SLC9A6: variants seen among roughly 807,000 people sequenced by gnomAD.
SLC9A6 encodes the protein solute carrier family 9 member A6.
A neutral mutation model predicts 45.3 loss-of-function variants in SLC9A6; 6 were observed. The ratio of observed to expected loss-of-function variants is 0.13; its 90% CI spans 0.07 to 0.26. SLC9A6 has a LOEUF of 0.26. Among genes scored for constraint, SLC9A6 ranks in the 10% least tolerant of loss-of-function variants. The pLI is 1.00. For synonymous variants in SLC9A6, 191 were observed against 187.7 expected (o/e 1.02, Z -0.14); for missense variants, 278 against 503.7 (o/e 0.55, Z 4.29).
At chrX:136,043,026 A>C (rs2071540941) in intron 17 of SLC9A6, among the ~76,000 whole-genome samples, 1 of 112,141 alleles carries the variant, frequency 8.9e-6, no homozygotes, top group Non-Finnish European at 1.9e-5. Context: ...AGGCATGTGC[A>C]TTTTAAAATT....
In SLC9A6 at chrX:135,994,895, T is replaced by C. The variant is rs2089478159; in HGVS notation, c.279T>C (p.Asn93=). The C allele has an allele frequency of 8.3e-7, 1 of 1,206,057 alleles. No homozygotes were observed. The highest frequency in any genetic ancestry group is 1.7e-5 in the African/African-American group (1 of 57,632). Reference sequence around the variant, plus strand: ...CAAGTCCAACTACCTTACTGGTAAATGTTAGTGGAAAATTTTATGAGTATA... The same window carrying C: ...CAAGTCCAACTACCTTACTGGTAAACGTTAGTGGAAAATTTTATGAGTATA... The part of the protein sequence containing the change: ...VQSSPTTLLV[N]VSGKFYEYML... The change falls in exon 3 of 18, where the codon AAT becomes AAC. Residue 93 remains asparagine (N), a synonymous_variant. Coordinates refer to ENST00000630721, the MANE Select transcript of SLC9A6 (RefSeq NM_001379110.1).
Position 136,030,661 on chromosome X carries a change from C to T in SLC9A6, c.1581+499C>T, listed in dbSNP as rs782263620. ...AGGGAAACGCACTTTCTTACCTTGC[C>T]CCTCAGCCTTGGCCACGTTTCCTTG... On this transcript the variant is annotated intron_variant, in intron 15 of 17. Coordinates refer to ENST00000630721, the MANE Select transcript of SLC9A6 (RefSeq NM_001379110.1). Among the ~76,000 whole-genome samples the T allele has an allele frequency of 9.7e-4, 108 of 111,667 alleles. 1 individual carries two copies. Among genetic ancestry groups the T allele is most frequent in the African/African-American group, 3.2e-3 (99 of 30,747 alleles).
intron 12 of SLC9A6, among the ~76,000 whole-genome samples, chrX:136,023,600 G>A (rs1044482092): frequency 1.1e-4 from 12 of 110,286 alleles, no homozygotes; most frequent in African/African-American, 3.6e-4. Context: ...AGACAAAGTC[G>A]TAGCGATGGG....
chrX:135,989,309 A>C (rs1295721598), intron 2 of SLC9A6, among the ~76,000 whole-genome samples: 1 of 112,249 alleles, frequency 8.9e-6, no homozygotes, highest in Non-Finnish European at 1.9e-5. Context: ...AAGAAGCTTA[A>C]AAGTGAGTCA....
chrX:135,984,661 T>G (rs2089305825), upstream of SLC9A6, among the ~76,000 whole-genome samples: 1 of 110,484 alleles, frequency 9.1e-6, no homozygotes, highest in African/African-American at 3.3e-5. Flanking sequence ...AGATGAGAGA[T>G]AGGGGTCAAG....
intron 1 of SLC9A6, among the ~76,000 whole-genome samples, chrX:135,975,556 G>T (rs2089256768): frequency 8.9e-6 from 1 of 112,294 alleles, no homozygotes; most frequent in Non-Finnish European, 1.9e-5. Context: ...AGCTCTGAGA[G>T]AACAGAGATT....
intron 17 of SLC9A6, among the ~76,000 whole-genome samples, chrX:136,042,964 A>G (rs1189540501): frequency 1.8e-5 from 2 of 111,508 alleles, no homozygotes; most frequent in Non-Finnish European, 3.8e-5. Context: ...AACTTACCTA[A>G]CTATGTAAAA....
chrX:135,998,600 A>T (rs369308348), intron 5 of SLC9A6, 42 bp downstream of exon 5: 2 of 926,965 alleles, frequency 2.2e-6, no homozygotes, highest in African/African-American at 4.0e-5. Flanking sequence ...CCTTCAAATT[A>T]TAATTTTAAA....
At chrX:135,993,062 T>C (rs1425834800) in intron 2 of SLC9A6, among the ~76,000 whole-genome samples, 1 of 112,158 alleles carries the variant, frequency 8.9e-6, no homozygotes, top group African/African-American at 3.2e-5. Flanking sequence ...GTTTTATTTG[T>C]AGTTGAGGTA....
chrX:135,977,868 T>A (rs1909252759), intron 1 of SLC9A6, among the ~76,000 whole-genome samples: 2 of 100,985 alleles, frequency 2.0e-5, no homozygotes, highest in South Asian at 8.7e-4. Context: ...TTAAGATTTG[T>A]TTACTTGCTG....
intron 15 of SLC9A6, among the ~76,000 whole-genome samples, chrX:136,032,037 C>T (rs1311130938): frequency 8.9e-6 from 1 of 112,338 alleles, no homozygotes; most frequent in Non-Finnish European, 1.9e-5. Flanking sequence ...AGAATCTAAA[C>T]TCTGTGCTTG....
At position 136,033,405 on chromosome X, in the gene SLC9A6, T is replaced by C. The variant is rs782039050; in HGVS notation, c.1582-9T>C. The C allele has an allele frequency of 3.6e-6, 4 of 1,115,927 alleles. No homozygotes were observed. Among genetic ancestry groups the C allele is most frequent in the Non-Finnish European group, 4.9e-6 (4 of 816,723 alleles). 92.0% of individuals were successfully genotyped at this position (1,115,927 alleles called of 1,213,427 possible). The stretch of plus-strand genomic sequence containing the variant: ...TATAGATATTGATTTCTGTATTATC[T>C]ATCTGCAGGGTGTTCCTGAAAATGA... On this transcript the variant is annotated splice_polypyrimidine_tract_variant and intron_variant, in intron 15 of 17. Coordinates refer to ENST00000630721, the MANE Select transcript of SLC9A6 (RefSeq NM_001379110.1).
intron 15 of SLC9A6, 129 bp downstream of exon 15, chrX:136,030,291 G>A: frequency 1.4e-6 from 1 of 694,313 alleles, no homozygotes; most frequent in Non-Finnish European, 2.3e-6. Flanking sequence ...TTGGAGGAAT[G>A]ATATCATTCC....
intron 13 of SLC9A6, among the ~76,000 whole-genome samples, chrX:136,026,666 G>C (rs1556620595): frequency 9.1e-6 from 1 of 110,323 alleles, no homozygotes; most frequent in Non-Finnish European, 1.9e-5. Flanking sequence ...CTCCCAAGTA[G>C]CTGGGATTAC....
In SLC9A6 at chrX:136,045,016, C is replaced by T. The variant is rs947644784; in HGVS notation, c.*292C>T. On this transcript the variant is annotated 3_prime_UTR_variant, in exon 18 of 18. Coordinates refer to ENST00000630721, the MANE Select transcript of SLC9A6 (RefSeq NM_001379110.1). ...GTCTCAGTTAAAGTGTAAAAAGTGA[C>T]GGATTTTCTCTTTCTTAAACTTACC... 3.0e-5 allele frequency: 8 copies of T among 263,938 alleles called. No individual in the cohort carries two copies. The highest frequency in any genetic ancestry group is 5.8e-5 in the Admixed American group (1 of 17,226). 21.8% of individuals were successfully genotyped at this position (263,938 alleles called of 1,213,427 possible). A position where few individuals can be genotyped will look rare whatever the true frequency, so the allele number is the denominator to read the frequency against.
chrX:136,011,302 C>T (rs1337097036), intron 8 of SLC9A6, among the ~76,000 whole-genome samples: 2 of 112,218 alleles, frequency 1.8e-5, no homozygotes, highest in Non-Finnish European at 3.8e-5. Context: ...TGCAATGGCA[C>T]GATCTCGGCT....
At chrX:135,978,054 T>C (rs782460016) in intron 1 of SLC9A6, among the ~76,000 whole-genome samples, 14 of 112,597 alleles carry the variant, frequency 1.2e-4, no homozygotes, top group African/African-American at 4.5e-4. Flanking sequence ...TAGGTTGTTA[T>C]CAGCATTGAG....
intron 7 of SLC9A6, among the ~76,000 whole-genome samples, chrX:136,005,499 G>A (rs1343181017): frequency 8.9e-6 from 1 of 112,058 alleles, no homozygotes; most frequent in African/African-American, 3.2e-5. Flanking sequence ...TGGCCAACAT[G>A]GCAAAACCCT....
At position 135,997,009 on chromosome X, in the gene SLC9A6, G is replaced by A. The variant is rs781919729; in HGVS notation, c.370-1099G>A. On this transcript the variant is annotated intron_variant, in intron 3 of 17. Coordinates refer to ENST00000630721, the MANE Select transcript of SLC9A6 (RefSeq NM_001379110.1). ...TCTCGATCTCCTGACTTTGTGATCCGCCCGCCTTGGCCTCCCAAAGTGCTG... is the reference window on the plus strand; with the variant it reads ...TCTCGATCTCCTGACTTTGTGATCCACCCGCCTTGGCCTCCCAAAGTGCTG... Among the ~76,000 whole-genome samples, 72 of 110,434 alleles carry A rather than the reference G, an allele frequency of 6.5e-4. 1 individual carries two copies. Among genetic ancestry groups the A allele is most frequent in the South Asian group, 3.4e-3 (9 of 2,635 alleles).
Sources: allele counts gnomAD v4.1 joint callset (sites outside exome capture counted in the v4.1 genomes callset), GRCh38; gene constraint gnomAD v4.1.1; transcripts MANE v1.5; gene names NCBI Gene and HGNC (gene_info 2026-07-23, HGNC 2026-07-21).